The following HS2ST1 variants were observed in gnomAD, a reference collection of about 807,000 sequenced individuals.
The protein encoded by HS2ST1 is heparan sulfate 2-O-sulfotransferase 1.
In HS2ST1, 18 loss-of-function variants were observed where a neutral mutation model predicts 42.9. The observed-to-expected ratio is 0.42, with a 90% CI of 0.29 to 0.62. HS2ST1 has a LOEUF of 0.62. HS2ST1 is among the 20% of genes least tolerant of loss of function. The pLI is 0.21. For synonymous variants in HS2ST1, 146 were observed against 152.9 expected (o/e 0.95, Z 0.33); for missense variants, 334 against 433.8 (o/e 0.77, Z 2.04).
At chr1:86,995,901 G>A (rs532856981) in intron 1 of HS2ST1, among the ~76,000 whole-genome samples, 4 of 152,230 alleles carry the variant, frequency 2.6e-5, no homozygotes, top group African/African-American at 9.6e-5. Flanking sequence ...CTCTGGTAAG[G>A]TCTCTGAAAA....
chr1:87,102,280 A>G (rs780433438), intron 5 of HS2ST1, among the ~76,000 whole-genome samples: 5 of 151,368 alleles, frequency 3.3e-5, no homozygotes, highest in Admixed American at 1.3e-4. Flanking sequence ...CTGGTCTTGA[A>G]CTCCCAACCT....
intron 2 of HS2ST1, 86 bp from the exon 3 acceptor site, chr1:87,084,108 T>G (rs1651757968): frequency 1.2e-6 from 1 of 869,218 alleles, no homozygotes; most frequent in Admixed American, 2.7e-5. Context: ...TTTTAGGTTT[T>G]TAAATTCCTA....
At chr1:86,956,584 C>T (rs949227266) in intron 1 of HS2ST1, 7 of 152,006 alleles carry the variant, frequency 4.6e-5, no homozygotes, top group African/African-American at 1.7e-4. Context: ...TACTTTTTTT[C>T]TTCTATAAAT....
chr1:86,964,334 C>A (rs1647970470), intron 1 of HS2ST1, among the ~76,000 whole-genome samples: 1 of 152,258 alleles, frequency 6.6e-6, no homozygotes, highest in Non-Finnish European at 1.5e-5. Context: ...CCACCGCACT[C>A]CAGCCTGGGC....
At chr1:87,010,055 CAA>C (rs11345061) in intron 1 of HS2ST1, among the ~76,000 whole-genome samples, 3 of 148,382 alleles carry the variant, frequency 2.0e-5, no homozygotes, top group Non-Finnish European at 1.5e-5. Context: ...CAAAACAAAA[CAA>C]AAAAAAAAAC....
At chr1:86,973,930 T>C (rs1648313173) in intron 1 of HS2ST1, among the ~76,000 whole-genome samples, 3 of 152,176 alleles carry the variant, frequency 2.0e-5, no homozygotes, top group Admixed American at 2.0e-4. Flanking sequence ...AGAGTTTAAG[T>C]CTATAGTTGT....
At chr1:87,057,554 C>T (rs1009932240) in intron 1 of HS2ST1, among the ~76,000 whole-genome samples, 2 of 140,968 alleles carry the variant, frequency 1.4e-5, no homozygotes, top group Admixed American at 1.6e-4. Context: ...TTCTTTGTCA[C>T]CCAGAAGGCA....
chr1:86,951,932 GT>G (rs1425679265), intron 1 of HS2ST1, among the ~76,000 whole-genome samples: 1 of 152,188 alleles, frequency 6.6e-6, no homozygotes, highest in East Asian at 1.9e-4. Flanking sequence ...ATTTGTTCAA[GT>G]TTTGTCATGA....
At chr1:87,083,361 C>A (rs1357199384) in intron 2 of HS2ST1, among the ~76,000 whole-genome samples, 1 of 152,136 alleles carries the variant, frequency 6.6e-6, no homozygotes, top group Non-Finnish European at 1.5e-5. Context: ...GACCTCACTG[C>A]CCCCACTTTC....
intron 1 of HS2ST1, among the ~76,000 whole-genome samples, chr1:86,997,795 C>T (rs1482368228): frequency 6.6e-6 from 1 of 152,100 alleles, no homozygotes; most frequent in African/African-American, 2.4e-5. Context: ...AATGCACTGG[C>T]AAAGGAACAA....
chr1:87,087,726 G>C (rs1651848491), intron 3 of HS2ST1, among the ~76,000 whole-genome samples: 1 of 152,048 alleles, frequency 6.6e-6, no homozygotes, highest in South Asian at 2.1e-4. Flanking sequence ...TAACAAATAT[G>C]TCACAACATT....
At chr1:87,045,518 A>G (rs1026514746) in intron 1 of HS2ST1, 1 of 850,762 alleles carries the variant, frequency 1.2e-6, no homozygotes, top group African/African-American at 1.6e-5. Flanking sequence ...GCTTGCTGGC[A>G]CATATGTAAC....
chr1:86,981,059 G>A (rs1648575664), intron 1 of HS2ST1, among the ~76,000 whole-genome samples: 1 of 152,156 alleles, frequency 6.6e-6, no homozygotes, highest in South Asian at 2.1e-4. Context: ...GGAAGGCGAA[G>A]GGGAGGAAAG....
intron 1 of HS2ST1, among the ~76,000 whole-genome samples, chr1:86,981,263 A>G (rs182349145): frequency 5.5e-4 from 83 of 152,286 alleles, no homozygotes; most frequent in South Asian, 5.0e-3. Context: ...ACAATTTGAG[A>G]TGAGATTTGG....
chr1:86,992,363 T>C (rs1467719639), intron 1 of HS2ST1, among the ~76,000 whole-genome samples: 1 of 112,918 alleles, frequency 8.9e-6, no homozygotes, highest in East Asian at 2.1e-4. Context: ...TTTCTCTTTC[T>C]TTTTTTTTTT....
chr1:86,958,948 C>A (rs756036482), intron 1 of HS2ST1, among the ~76,000 whole-genome samples: 1 of 152,118 alleles, frequency 6.6e-6, no homozygotes, highest in Non-Finnish European at 1.5e-5. Context: ...GAAATCAATT[C>A]ATGTAATCGA....
intron 3 of HS2ST1, among the ~76,000 whole-genome samples, chr1:87,087,706 C>T (rs1651848020): frequency 6.6e-6 from 1 of 152,132 alleles, no homozygotes; most frequent in Non-Finnish European, 1.5e-5. Flanking sequence ...GCCCCATTTT[C>T]TACAACTTTT....
chr1:87,088,135 TTTC>T (rs1314287446), intron 3 of HS2ST1, among the ~76,000 whole-genome samples: 1 of 152,096 alleles, frequency 6.6e-6, no homozygotes, highest in Non-Finnish European at 1.5e-5. Context: ...TAACTGGTGT[TTTC>T]TTCTTCTCCT....
At chr1:87,037,846 T>C (rs1209170718) in intron 1 of HS2ST1, among the ~76,000 whole-genome samples, 3 of 152,030 alleles carry the variant, frequency 2.0e-5, no homozygotes, top group Admixed American at 1.3e-4. Context: ...TTCATTCTTT[T>C]AACTGCTATG....
Sources: allele counts gnomAD v4.1 joint callset (sites outside exome capture counted in the v4.1 genomes callset), GRCh38; gene constraint gnomAD v4.1.1; transcripts MANE v1.5; gene names NCBI Gene and HGNC (gene_info 2026-07-23, HGNC 2026-07-21).